The following HS3ST4 variants were observed in gnomAD, a reference collection of about 807,000 sequenced individuals.
HS3ST4 encodes the protein heparan sulfate-glucosamine 3-sulfotransferase 4.
Under a neutral mutation model 29.2 loss-of-function variants are expected in HS3ST4, and 17 were observed. The observed-to-expected ratio is 0.58, with a 90% CI of 0.40 to 0.87. The LOEUF is 0.87. Among genes scored for constraint, HS3ST4 ranks in the 40% least tolerant of loss-of-function variants. The probability of loss-of-function intolerance (pLI) is 0.00; values close to 1 mark genes in which losing one functional copy is unlikely to be tolerated. For synonymous variants in HS3ST4, 314 were observed against 285.7 expected (o/e 1.10, Z -1.00); for missense variants, 627 against 634.5 (o/e 0.99, Z 0.13).
intron 1 of HS3ST4, among the ~76,000 whole-genome samples, chr16:26,134,362 C>CTTTTTTTTTTT (rs60068546): frequency 9.1e-5 from 7 of 76,770 alleles, no homozygotes; most frequent in African/African-American, 2.8e-4. Context: ...CTTTTCTTTT[C>CTTTTTTTTTTT]TTTTTTTTTT....
intron 1 of HS3ST4, among the ~76,000 whole-genome samples, chr16:25,772,063 A>T (rs1454019276): frequency 6.6e-6 from 1 of 152,204 alleles, no homozygotes; most frequent in Non-Finnish European, 1.5e-5. Flanking sequence ...ACACCTACTC[A>T]ACTCTGCCCT....
intron 1 of HS3ST4, among the ~76,000 whole-genome samples, chr16:26,033,493 T>G (rs1431097144): frequency 2.2e-5 from 3 of 139,322 alleles, no homozygotes; most frequent in African/African-American, 5.4e-5. Context: ...CCAGCATGGG[T>G]GACTGTGTGA....
intron 1 of HS3ST4, among the ~76,000 whole-genome samples, chr16:25,745,444 C>G (rs1347981668): frequency 1.3e-5 from 2 of 152,142 alleles, no homozygotes; most frequent in South Asian, 4.2e-4. Context: ...TGTTTTCAGA[C>G]CATCCTTGTT....
chr16:26,123,189 G>A (rs1030800316), intron 1 of HS3ST4, among the ~76,000 whole-genome samples: 10 of 152,242 alleles, frequency 6.6e-5, no homozygotes, highest in Non-Finnish European at 1.0e-4. Flanking sequence ...GATTTTCTCC[G>A]TGCCAAGATG....
intron 1 of HS3ST4, among the ~76,000 whole-genome samples, chr16:25,848,448 A>T (rs1967487380): frequency 8.8e-6 from 1 of 113,388 alleles, no homozygotes; most frequent in Non-Finnish European, 1.7e-5. Flanking sequence ...CCTAATTTTA[A>T]ACGAAAAAAT....
intron 1 of HS3ST4, among the ~76,000 whole-genome samples, chr16:26,133,417 A>C (rs1353163404): frequency 2.0e-5 from 3 of 152,234 alleles, no homozygotes; most frequent in Admixed American, 6.5e-5. Context: ...CAGGGGCTGC[A>C]TTCCTTAGCC....
chr16:25,971,646 C>A (rs190655782), intron 1 of HS3ST4, among the ~76,000 whole-genome samples: 1 of 152,332 alleles, frequency 6.6e-6, no homozygotes, highest in East Asian at 1.9e-4. Flanking sequence ...AGATTCTGGG[C>A]AGGGCGTGGT....
intron 1 of HS3ST4, among the ~76,000 whole-genome samples, chr16:26,087,700 A>G (rs543647212): frequency 6.6e-6 from 1 of 152,286 alleles, no homozygotes; most frequent in East Asian, 1.9e-4. Flanking sequence ...TTTTTAAAAA[A>G]TATTTGCATT....
At chr16:25,805,958 T>C (rs1241088378) in intron 1 of HS3ST4, among the ~76,000 whole-genome samples, 2 of 152,230 alleles carry the variant, frequency 1.3e-5, no homozygotes, top group Non-Finnish European at 2.9e-5. Flanking sequence ...ATAACAGTGT[T>C]TGGTTTTCTG....
intron 1 of HS3ST4, among the ~76,000 whole-genome samples, chr16:25,725,002 C>G (rs1187779549): frequency 1.4e-5 from 2 of 146,580 alleles, no homozygotes; most frequent in Non-Finnish European, 3.0e-5. Context: ...CCTTTTCTCC[C>G]TCTTCTATTT....
intron 1 of HS3ST4, among the ~76,000 whole-genome samples, chr16:25,782,867 G>A (rs8048553): frequency 0.62 from 94,893 of 151,982 alleles, 29,909 homozygotes; most frequent in South Asian, 0.76. Context: ...TGAAATGCCC[G>A]TCTTATTGGC....
intron 1 of HS3ST4, among the ~76,000 whole-genome samples, chr16:25,725,714 T>C (rs1966530725): frequency 6.6e-6 from 1 of 150,750 alleles, no homozygotes; most frequent in Non-Finnish European, 1.5e-5. Flanking sequence ...AAAATATAGA[T>C]TGCACATTAA....
chr16:25,999,443 G>A (rs1456132615), intron 1 of HS3ST4, among the ~76,000 whole-genome samples: 2 of 151,868 alleles, frequency 1.3e-5, no homozygotes, highest in African/African-American at 2.4e-5. Flanking sequence ...TTCTTGATTA[G>A]ATGCGCAGAT....
chr16:25,801,794 G>T (rs1966937463), intron 1 of HS3ST4, among the ~76,000 whole-genome samples: 1 of 151,602 alleles, frequency 6.6e-6, no homozygotes, highest in East Asian at 1.9e-4. Flanking sequence ...TACAATATAG[G>T]TTACAAATAT....
intron 1 of HS3ST4, among the ~76,000 whole-genome samples, chr16:25,893,321 G>A (rs1388975185): frequency 6.6e-6 from 1 of 152,198 alleles, no homozygotes; most frequent in East Asian, 1.9e-4. Context: ...AGCTGTTGGA[G>A]ATTTTAAAGT....
intron 1 of HS3ST4, among the ~76,000 whole-genome samples, chr16:26,061,444 C>G (rs896265630): frequency 9.2e-5 from 14 of 152,178 alleles, no homozygotes; most frequent in Non-Finnish European, 1.9e-4. Flanking sequence ...TCTTCAAACT[C>G]TCTTTGACCT....
intron 1 of HS3ST4, among the ~76,000 whole-genome samples, chr16:25,931,051 G>T (rs1158842890): frequency 6.6e-6 from 1 of 152,210 alleles, no homozygotes; most frequent in Non-Finnish European, 1.5e-5. Context: ...GGGATTACAG[G>T]TGTGAGCAAC....
chr16:25,920,243 C>T (rs553708599), intron 1 of HS3ST4, among the ~76,000 whole-genome samples: 15 of 152,250 alleles, frequency 9.9e-5, no homozygotes, highest in African/African-American at 3.6e-4. Context: ...AATCCAGCAG[C>T]TATAAATTAA....
chr16:25,778,238 C>G (rs1213231427), intron 1 of HS3ST4, among the ~76,000 whole-genome samples: 1 of 152,194 alleles, frequency 6.6e-6, no homozygotes. Flanking sequence ...TTGGCCTCAC[C>G]TATCTCCAGG....
Sources: gnomAD v4.1 joint callset for allele counts (sites outside exome capture counted in the v4.1 genomes callset) on GRCh38, gnomAD v4.1.1 for gene constraint, MANE v1.5 for transcripts, NCBI Gene and HGNC (gene_info 2026-07-23, HGNC 2026-07-21) for gene names.